The following SHISA9 variants were observed in gnomAD, a reference collection of about 807,000 sequenced individuals.
The protein encoded by SHISA9 is protein shisa-9.
Under a neutral mutation model 38.0 loss-of-function variants are expected in SHISA9, and 13 were observed. The ratio of observed to expected loss-of-function variants is 0.34; its 90% CI spans 0.22 to 0.54. SHISA9 has a LOEUF of 0.54. Among genes scored for constraint, SHISA9 ranks in the 20% least tolerant of loss-of-function variants. The pLI is 0.91. For missense variants in SHISA9, 538 were observed against 575.8 expected (o/e 0.93, Z 0.67); for synonymous variants, 275 against 242.0 (o/e 1.14, Z -1.27).
chr16:13,015,853 C>CCTTTCTTT (rs201249295), intron 2 of SHISA9, among the ~76,000 whole-genome samples: 6,980 of 98,392 alleles, frequency 0.071, 329 homozygotes, highest in East Asian at 0.13. Flanking sequence ...TCTTTCTTTC[C>CCTTTCTTT]CTTTCTTTCT....
At chr16:13,203,596 C>T in intron 3 of SHISA9, 47 bp downstream of exon 3, 2 of 1,415,540 alleles carry the variant, frequency 1.4e-6, no homozygotes, top group African/African-American at 2.9e-5. Flanking sequence ...TCTTCGCTCT[C>T]CTTTGCTGCT....
the SHISA9 span, among the ~76,000 whole-genome samples, chr16:13,304,015 TAAAAA>T: frequency 4.6e-5 from 7 of 150,786 alleles, no homozygotes; most frequent in Middle Eastern, 6.8e-3. Context: ...CATTGGAAAT[TAAAAA>T]AAAAAATAAT....
chr16:12,915,539 GC>G (rs1386825618), intron 1 of SHISA9, among the ~76,000 whole-genome samples: 1 of 152,212 alleles, frequency 6.6e-6, no homozygotes, highest in Non-Finnish European at 1.5e-5. Flanking sequence ...AACAAATGGG[GC>G]TGATAGTCTG....
the SHISA9 span, among the ~76,000 whole-genome samples, chr16:13,548,540 G>A: frequency 1.3e-5 from 2 of 152,014 alleles, no homozygotes; most frequent in South Asian, 2.1e-4. Flanking sequence ...AATTAAAAAG[G>A]GGCAAAAGAC....
the SHISA9 span, among the ~76,000 whole-genome samples, chr16:13,539,317 TAAAG>T: frequency 8.2e-5 from 3 of 36,506 alleles, no homozygotes; most frequent in Non-Finnish European, 1.9e-4. Flanking sequence ...TATATATATA[TAAAG>T]ACAGGATCTT....
chr16:13,537,598 C>T, the SHISA9 span, among the ~76,000 whole-genome samples: 12 of 152,044 alleles, frequency 7.9e-5, no homozygotes, highest in African/African-American at 2.7e-4. Context: ...TTCGTGGTTA[C>T]CAGGCAGTGA....
chr16:13,517,307 T>A, the SHISA9 span, among the ~76,000 whole-genome samples: 21 of 152,328 alleles, frequency 1.4e-4, no homozygotes, highest in South Asian at 1.9e-3. Flanking sequence ...GATACCTTGA[T>A]TTCAGACTTC....
intron 3 of SHISA9, among the ~76,000 whole-genome samples, chr16:13,211,389 C>T (rs747959857): frequency 6.6e-6 from 1 of 151,752 alleles, no homozygotes; most frequent in Non-Finnish European, 1.5e-5. Flanking sequence ...GTATGCTATA[C>T]TGGAGGTATA....
the SHISA9 span, among the ~76,000 whole-genome samples, chr16:13,318,200 C>G: frequency 6.6e-6 from 1 of 152,116 alleles, no homozygotes. Context: ...GACATTTTAT[C>G]AATTCTTTGT....
chr16:13,311,242 A>T, the SHISA9 span, among the ~76,000 whole-genome samples: 1 of 151,918 alleles, frequency 6.6e-6, no homozygotes, highest in Non-Finnish European at 1.5e-5. Context: ...TATATATTTT[A>T]TATATTATGT....
At chr16:13,118,832 C>G (rs1359834001) in intron 2 of SHISA9, among the ~76,000 whole-genome samples, 1 of 149,776 alleles carries the variant, frequency 6.7e-6, no homozygotes, top group Non-Finnish European at 1.5e-5. Context: ...CGGGTTCAAG[C>G]CATTTTCCTT....
chr16:13,034,349 C>A (rs574268388), intron 2 of SHISA9, among the ~76,000 whole-genome samples: 3 of 152,234 alleles, frequency 2.0e-5, no homozygotes, highest in African/African-American at 7.2e-5. Flanking sequence ...TCTGTTTCAC[C>A]TCCTGGCCCA....
At chr16:13,403,440 T>A in the SHISA9 span, among the ~76,000 whole-genome samples, 2 of 152,328 alleles carry the variant, frequency 1.3e-5, no homozygotes, top group Admixed American at 1.3e-4. Flanking sequence ...GATGATTGGA[T>A]GAATGAGTGA....
In SHISA9 at chr16:13,046,818, G is replaced by T. The variant is rs116843275; in HGVS notation, c.691+130003G>T. Among the ~76,000 whole-genome samples, 1,127 of 152,142 alleles carry T rather than the reference G, an allele frequency of 7.4e-3. 7 individuals are homozygous for T. The highest frequency in any genetic ancestry group is 0.014 in the Middle Eastern group (4 of 294). ...AGTCTTTGATAACATTATTCCCTCTGCCTAAACCACTCTTCCTCTGCATGG... is the reference window on the plus strand; with the variant it reads ...AGTCTTTGATAACATTATTCCCTCTTCCTAAACCACTCTTCCTCTGCATGG... On this transcript the variant is annotated intron_variant, in intron 2 of 4. Coordinates refer to ENST00000558583, the MANE Select transcript of SHISA9 (RefSeq NM_001145204.3).
At chr16:12,971,924 G>A (rs1182886894) in intron 2 of SHISA9, among the ~76,000 whole-genome samples, 4 of 151,988 alleles carry the variant, frequency 2.6e-5, no homozygotes, top group African/African-American at 7.3e-5. Flanking sequence ...TCTTTGCATT[G>A]TAGTCTAATT....
At chr16:13,287,127 A>C in the SHISA9 span, among the ~76,000 whole-genome samples, 2 of 152,186 alleles carry the variant, frequency 1.3e-5, no homozygotes, top group Non-Finnish European at 2.9e-5. Flanking sequence ...TATTTAAAAC[A>C]CTGTAACATG....
chr16:13,509,809 A>T, the SHISA9 span, among the ~76,000 whole-genome samples: 100 of 152,236 alleles, frequency 6.6e-4, no homozygotes, highest in Middle Eastern at 3.4e-3. Flanking sequence ...CATTTTGTCT[A>T]TTTTTATGTG....
chr16:13,423,355 A>G, the SHISA9 span, among the ~76,000 whole-genome samples: 1 of 152,176 alleles, frequency 6.6e-6, no homozygotes, highest in African/African-American at 2.4e-5. Flanking sequence ...CAAAAGGGAG[A>G]TAAGTTCAAA....
the SHISA9 span, among the ~76,000 whole-genome samples, chr16:13,487,362 A>G: frequency 2.6e-5 from 4 of 152,390 alleles, no homozygotes; most frequent in East Asian, 7.7e-4. Context: ...AGGAAGCATC[A>G]CATAAGCATC....
Sources: allele counts gnomAD v4.1 joint callset (sites outside exome capture counted in the v4.1 genomes callset), GRCh38; gene constraint gnomAD v4.1.1; transcripts MANE v1.5; gene names NCBI Gene and HGNC (gene_info 2026-07-23, HGNC 2026-07-21).